The following MAPKAP1 variants were observed in gnomAD, a reference collection of about 807,000 sequenced individuals.
MAPKAP1 encodes the protein target of rapamycin complex 2 subunit MAPKAP1.
Under a neutral mutation model 65.7 loss-of-function variants are expected in MAPKAP1, and 20 were observed. That is an observed-to-expected ratio of 0.30 (90% CI 0.21 to 0.44). MAPKAP1 has a LOEUF of 0.44. Ranked by LOEUF, MAPKAP1 falls within the 20% of genes least tolerant of loss-of-function variation. MAPKAP1 has a pLI of 1.00. For synonymous variants in MAPKAP1, 222 were observed against 244.3 expected (o/e 0.91, Z 0.85); for missense variants, 423 against 648.0 (o/e 0.65, Z 3.77).
chr9:125,603,964 TACA>T (rs35771354), intron 4 of MAPKAP1, among the ~76,000 whole-genome samples: 41,986 of 151,960 alleles, frequency 0.28, 6,657 homozygotes, highest in Non-Finnish European at 0.36. Flanking sequence ...AAGGTATGAT[TACA>T]ACAACAAGAA....
chr9:125,488,722 C>T (rs1436870627), intron 8 of MAPKAP1, among the ~76,000 whole-genome samples: 4 of 152,176 alleles, frequency 2.6e-5, no homozygotes, highest in Non-Finnish European at 5.9e-5. Context: ...TGCAATGGTG[C>T]AACCACTTCT....
At chr9:125,464,812 G>A in intron 10 of MAPKAP1, among the ~76,000 whole-genome samples, 1 of 152,214 alleles carries the variant, frequency 6.6e-6, no homozygotes, top group East Asian at 1.9e-4. Context: ...TGCCAAGTCA[G>A]CTATTCACAC....
intron 8 of MAPKAP1, among the ~76,000 whole-genome samples, chr9:125,498,557 A>G (rs1035711587): frequency 4.6e-5 from 7 of 152,354 alleles, no homozygotes; most frequent in African/African-American, 1.4e-4. Context: ...AGGACTAGGT[A>G]TGATGGAAAG....
intron 6 of MAPKAP1, among the ~76,000 whole-genome samples, chr9:125,555,929 T>C (rs1431548229): frequency 6.6e-5 from 10 of 152,020 alleles, no homozygotes; most frequent in Non-Finnish European, 1.5e-4. Context: ...AGAAGAAAAA[T>C]GTAGAAGTGG....
intron 7 of MAPKAP1, among the ~76,000 whole-genome samples, chr9:125,509,844 G>C (rs1310271023): frequency 6.6e-6 from 1 of 152,116 alleles, no homozygotes; most frequent in Non-Finnish European, 1.5e-5. Context: ...GGAAAACAGG[G>C]GAGTCAGGGA....
At chr9:125,678,661 T>C (rs951624324) in intron 1 of MAPKAP1, among the ~76,000 whole-genome samples, 1 of 152,234 alleles carries the variant, frequency 6.6e-6, no homozygotes, top group Non-Finnish European at 1.5e-5. Context: ...CTTTGGATAC[T>C]GTTCCCAGAT....
At chr9:125,628,552 C>T (rs1457465249) in intron 4 of MAPKAP1, among the ~76,000 whole-genome samples, 2 of 152,048 alleles carry the variant, frequency 1.3e-5, no homozygotes, top group Non-Finnish European at 2.9e-5. Context: ...ATCCTTACAC[C>T]ACAGACAAAA....
At chr9:125,487,394 C>G (rs2133043615) in intron 8 of MAPKAP1, among the ~76,000 whole-genome samples, 1 of 152,230 alleles carries the variant, frequency 6.6e-6, no homozygotes, top group East Asian at 1.9e-4. Flanking sequence ...TTTAGAACTT[C>G]TTATACATGA....
intron 10 of MAPKAP1, among the ~76,000 whole-genome samples, chr9:125,451,321 ATC>A (rs1320342930): frequency 6.6e-6 from 1 of 152,138 alleles, no homozygotes; most frequent in Non-Finnish European, 1.5e-5. Context: ...GTCTCCAGTC[ATC>A]TGTTTCTCAC....
chr9:125,569,361 A>T (rs962636954), intron 5 of MAPKAP1, among the ~76,000 whole-genome samples: 6 of 152,242 alleles, frequency 3.9e-5, no homozygotes, highest in Non-Finnish European at 7.3e-5. Context: ...ATCGCTCAGT[A>T]GCTAAGGTTT....
chr9:125,617,176 G>A (rs1296867674), intron 4 of MAPKAP1, among the ~76,000 whole-genome samples: 2 of 152,216 alleles, frequency 1.3e-5, no homozygotes, highest in African/African-American at 4.8e-5. Context: ...CAAAATGTTT[G>A]TAGATCGGGC....
At chr9:125,633,044 C>A (rs1391334653) in intron 4 of MAPKAP1, among the ~76,000 whole-genome samples, 2 of 152,214 alleles carry the variant, frequency 1.3e-5, no homozygotes, top group Non-Finnish European at 2.9e-5. Flanking sequence ...ATCACTACTT[C>A]CCTTTTTTGA....
intron 7 of MAPKAP1, chr9:125,521,861 G>A: frequency 1.8e-6 from 2 of 1,128,910 alleles, no homozygotes; most frequent in Non-Finnish European, 2.6e-6. Context: ...CTGAGTCAGT[G>A]GAGAGCAAGC....
At chr9:125,661,915 A>G (rs1165917563) in intron 3 of MAPKAP1, among the ~76,000 whole-genome samples, 2 of 152,184 alleles carry the variant, frequency 1.3e-5, no homozygotes, top group Non-Finnish European at 2.9e-5. Context: ...TTTCTTCAAC[A>G]AATAAATTAT....
chr9:125,466,647 A>G (rs1853688706), intron 10 of MAPKAP1, among the ~76,000 whole-genome samples: 1 of 152,206 alleles, frequency 6.6e-6, no homozygotes, highest in Admixed American at 6.5e-5. Flanking sequence ...GAATCCAGCA[A>G]CCTTGAGGCA....
At chr9:125,630,980 C>T (rs1833263233) in intron 4 of MAPKAP1, among the ~76,000 whole-genome samples, 1 of 152,002 alleles carries the variant, frequency 6.6e-6, no homozygotes, top group Non-Finnish European at 1.5e-5. Context: ...ACCTGTGGTC[C>T]CAGCTACCTG....
intron 10 of MAPKAP1, among the ~76,000 whole-genome samples, chr9:125,466,180 G>T (rs1037469426): frequency 1.3e-5 from 2 of 152,206 alleles, no homozygotes; most frequent in African/African-American, 2.4e-5. Flanking sequence ...AGGAACTCAA[G>T]AACAGCCTGG....
chr9:125,597,934 G>A (rs181213883), intron 4 of MAPKAP1, among the ~76,000 whole-genome samples: 35 of 152,170 alleles, frequency 2.3e-4, no homozygotes, highest in Admixed American at 2.0e-3. Flanking sequence ...CTTGGTACAG[G>A]GGTCTCAAAT....
At chr9:125,471,765 G>A (rs1853934896) in intron 9 of MAPKAP1, 1 of 152,328 alleles carries the variant, frequency 6.6e-6, no homozygotes, top group Non-Finnish European at 1.5e-5. Flanking sequence ...CAAGAGCAAA[G>A]GTGCAACCCT....
Sources: gnomAD v4.1 joint callset for allele counts (sites outside exome capture counted in the v4.1 genomes callset) on GRCh38, gnomAD v4.1.1 for gene constraint, MANE v1.5 for transcripts, NCBI Gene and HGNC (gene_info 2026-07-23, HGNC 2026-07-21) for gene names.